The following CCDC85A variants were observed in gnomAD, a reference collection of about 807,000 sequenced individuals.
CCDC85A encodes the protein coiled-coil domain containing 85A.
CCDC85A carries 38 observed loss-of-function variants against 50.2 expected under a neutral mutation model. The ratio of observed to expected loss-of-function variants is 0.76; its 90% CI spans 0.58 to 0.99. The LOEUF (loss-of-function observed/expected upper bound fraction) is 0.99, where lower values mean the gene tolerates loss of function less well. Ranked by LOEUF, CCDC85A falls within the 50% of genes least tolerant of loss-of-function variation. The pLI, the probability that CCDC85A is intolerant of heterozygous loss-of-function variation, is 0.00. For missense variants in CCDC85A, 820 were observed against 742.0 expected, an observed-to-expected ratio of 1.11 and a Z score of -1.22; for synonymous variants, 366 against 301.4, an observed-to-expected ratio of 1.21 and a Z score of -2.22.
chr2:56,240,480 C>A (rs140916606), intron 2 of CCDC85A, among the ~76,000 whole-genome samples: 1 of 152,104 alleles, frequency 6.6e-6, no homozygotes, highest in Non-Finnish European at 1.5e-5. Flanking sequence ...TTTTTCGCTT[C>A]ATTCTTCATT....
chr2:56,246,555 AG>A (rs1669519305), intron 2 of CCDC85A, among the ~76,000 whole-genome samples: 1 of 152,176 alleles, frequency 6.6e-6, no homozygotes, highest in African/African-American at 2.4e-5. Flanking sequence ...ATATGGTATG[AG>A]GTAGAGTTCC....
rs765502186 is a variant in CCDC85A, at chr2:56,384,300, C to T, written c.1607C>T (p.Ser536Leu). The change falls in exon 6 of 6, where the codon TCG becomes TTG. Residue 536 changes from serine to leucine, a missense_variant. Coordinates refer to ENST00000407595, the MANE Select transcript of CCDC85A (RefSeq NM_001080433.2). ...VWRKLGDAAG[S>L]CPGIRQHLSG... ...AGGAAACTTGGAGATGCTGCAGGTTCGTGTCCTGGAATTAGGCAACATTTG... is the reference window on the plus strand; with the variant it reads ...AGGAAACTTGGAGATGCTGCAGGTTTGTGTCCTGGAATTAGGCAACATTTG... 4 of 1,610,762 alleles carry T rather than the reference C, an allele frequency of 2.5e-6. No homozygotes were observed. The highest frequency in any genetic ancestry group is 1.7e-5 in the Admixed American group (1 of 59,698).
At chr2:56,356,823 G>A (rs963009603) in intron 3 of CCDC85A, among the ~76,000 whole-genome samples, 2 of 150,768 alleles carry the variant, frequency 1.3e-5, no homozygotes, top group Non-Finnish European at 3.0e-5. Flanking sequence ...TAATCCCAGC[G>A]CTTTGGGAGG....
intron 5 of CCDC85A, among the ~76,000 whole-genome samples, chr2:56,380,625 T>TA (rs149570361): frequency 0.039 from 5,734 of 148,420 alleles, 273 homozygotes; most frequent in African/African-American, 0.12. Flanking sequence ...GAGACCACAG[T>TA]AAAAAAATAA....
chr2:56,239,338 A>G (rs1263513251), intron 2 of CCDC85A, among the ~76,000 whole-genome samples: 1 of 151,956 alleles, frequency 6.6e-6, no homozygotes, highest in Non-Finnish European at 1.5e-5. Context: ...CCCCAAGGAG[A>G]GATGGCATAA....
intron 2 of CCDC85A, among the ~76,000 whole-genome samples, chr2:56,311,054 T>C (rs1363219288): frequency 2.0e-5 from 3 of 152,178 alleles, no homozygotes; most frequent in African/African-American, 7.2e-5. Flanking sequence ...GACCTTTCCA[T>C]GGATATATTA....
At chr2:56,312,040 G>A (rs1475554802) in intron 2 of CCDC85A, among the ~76,000 whole-genome samples, 1 of 152,124 alleles carries the variant, frequency 6.6e-6, no homozygotes, top group Non-Finnish European at 1.5e-5. Context: ...TTGCTTCTGA[G>A]TGGCACTGTT....
At chr2:56,265,090 A>T (rs1321233393) in intron 2 of CCDC85A, among the ~76,000 whole-genome samples, 1 of 151,992 alleles carries the variant, frequency 6.6e-6, no homozygotes, top group East Asian at 1.9e-4. Context: ...ATGTGACTTC[A>T]TGACCTGTGA....
intron 2 of CCDC85A, among the ~76,000 whole-genome samples, chr2:56,287,641 CT>C (rs1319942861): frequency 8.6e-6 from 1 of 115,686 alleles, no homozygotes; most frequent in African/African-American, 3.3e-5. Flanking sequence ...ATTTCACATT[CT>C]TTTTCTGTCA....
At chr2:56,276,960 A>G (rs1670976164) in intron 2 of CCDC85A, among the ~76,000 whole-genome samples, 1 of 152,206 alleles carries the variant, frequency 6.6e-6, no homozygotes, top group Non-Finnish European at 1.5e-5. Context: ...CTAGGGTCTT[A>G]GAATTACTAC....
At chr2:56,303,180 T>C (rs940799933) in intron 2 of CCDC85A, among the ~76,000 whole-genome samples, 1 of 152,240 alleles carries the variant, frequency 6.6e-6, no homozygotes, top group Non-Finnish European at 1.5e-5. Flanking sequence ...GTCTATGTGC[T>C]GTACTTGATT....
chr2:56,348,637 G>A (rs1385579870), intron 3 of CCDC85A, among the ~76,000 whole-genome samples: 3 of 152,192 alleles, frequency 2.0e-5, no homozygotes, highest in Non-Finnish European at 4.4e-5. Context: ...GTGCTGAGAA[G>A]GGTACGTAGG....
chr2:56,285,349 C>T (rs935010595), intron 2 of CCDC85A, among the ~76,000 whole-genome samples: 3 of 150,744 alleles, frequency 2.0e-5, no homozygotes, highest in Admixed American at 6.6e-5. Context: ...AGTGATCCAC[C>T]TACCTTGGCC....
In CCDC85A at chr2:56,288,933, A is replaced by G. The variant is rs146911134; in HGVS notation, c.1241-53946A>G. On this transcript the variant is annotated intron_variant, in intron 2 of 5. Coordinates refer to ENST00000407595, the MANE Select transcript of CCDC85A (RefSeq NM_001080433.2). The stretch of plus-strand genomic sequence containing the variant: ...GATAATTATTTCTAAAGGTCTGTGT[A>G]CAGAGAGCCTTATGACCCTTTAGTT... Among the ~76,000 whole-genome samples the G allele has an allele frequency of 4.6e-3, 704 of 152,296 alleles. 1 individual carries two copies. The highest frequency in any genetic ancestry group is 7.5e-3 in the Non-Finnish European group (508 of 68,020).
At chr2:56,339,023 C>T (rs1355910428) in intron 2 of CCDC85A, among the ~76,000 whole-genome samples, 1 of 152,082 alleles carries the variant, frequency 6.6e-6, no homozygotes, top group East Asian at 1.9e-4. Context: ...ATAATTGCAA[C>T]AGGGGCTAAG....
intron 2 of CCDC85A, among the ~76,000 whole-genome samples, chr2:56,297,202 A>C (rs772282401): frequency 7.2e-5 from 11 of 152,112 alleles, no homozygotes; most frequent in Non-Finnish European, 1.3e-4. Flanking sequence ...AAATGATTAG[A>C]GGAAATGAGA....
At chr2:56,224,556 A>G (rs1168544946) in intron 2 of CCDC85A, among the ~76,000 whole-genome samples, 1 of 152,134 alleles carries the variant, frequency 6.6e-6, no homozygotes, top group Non-Finnish European at 1.5e-5. Flanking sequence ...TGGCTGTACC[A>G]TTTTACATTC....
In CCDC85A at chr2:56,184,151, G is replaced by T; in HGVS notation, c.-474G>T. On this transcript the variant is annotated 5_prime_UTR_variant, in exon 1 of 6. Coordinates refer to ENST00000407595, the MANE Select transcript of CCDC85A (RefSeq NM_001080433.2). ...CCGCGGTGCCCGGCGCGCCCTCCAA[G>T]CTAGGAGAGGGGAGAAGCCGGGGGC... 2.0e-6 allele frequency: 2 copies of T among 986,184 alleles called. No homozygotes were observed. Among genetic ancestry groups the T allele is most frequent in the African/African-American group, 1.7e-5 (1 of 57,354 alleles). 61.1% of individuals were successfully genotyped at this position (986,184 alleles called of 1,614,324 possible).
chr2:56,358,270 G>C (rs1016026614), intron 3 of CCDC85A, among the ~76,000 whole-genome samples: 1 of 152,288 alleles, frequency 6.6e-6, no homozygotes, highest in Non-Finnish European at 1.5e-5. Flanking sequence ...TTTACTATGA[G>C]AGTTCATTTC....
Sources: gnomAD v4.1 joint callset for allele counts (sites outside exome capture counted in the v4.1 genomes callset) on GRCh38, gnomAD v4.1.1 for gene constraint, MANE v1.5 for transcripts, NCBI Gene and HGNC (gene_info 2026-07-23, HGNC 2026-07-21) for gene names.